Variants in PRKN observed in about 807,000 individuals in gnomAD.
PRKN encodes the protein E3 ubiquitin-protein ligase parkin.
PRKN carries 56 observed loss-of-function variants against 59.5 expected under a neutral mutation model. The ratio of observed to expected loss-of-function variants is 0.94; its 90% CI spans 0.76 to 1.18. PRKN has a LOEUF of 1.18. Ranked by LOEUF, PRKN falls within the 50% of genes most tolerant of loss-of-function variation. The pLI, the probability that PRKN is intolerant of heterozygous loss-of-function variation, is 0.00. For synonymous variants in PRKN, 250 were observed against 222.1 expected (o/e 1.13, Z -1.12); for missense variants, 657 against 596.4 (o/e 1.10, Z -1.06).
intron 1 of PRKN, among the ~76,000 whole-genome samples, chr6:162,454,561 T>C (rs1303584248): frequency 6.6e-6 from 1 of 152,176 alleles, no homozygotes; most frequent in Non-Finnish European, 1.5e-5. Flanking sequence ...GGAAAAAGAA[T>C]CTTGGGTCCT....
At chr6:162,022,250 T>C (rs1783236251) in intron 5 of PRKN, among the ~76,000 whole-genome samples, 1 of 152,202 alleles carries the variant, frequency 6.6e-6, no homozygotes, top group Non-Finnish European at 1.5e-5. Flanking sequence ...TTTAGTTCTC[T>C]GAGAAATCTC....
intron 4 of PRKN, among the ~76,000 whole-genome samples, chr6:162,111,612 G>T (rs1035972711): frequency 6.6e-6 from 1 of 152,086 alleles, no homozygotes; most frequent in African/African-American, 2.4e-5. Context: ...GTGTGAGAAG[G>T]AAGGCAAGTG....
chr6:161,661,922 C>A (rs1317375780), intron 7 of PRKN, among the ~76,000 whole-genome samples: 1 of 152,068 alleles, frequency 6.6e-6, no homozygotes, highest in East Asian at 1.9e-4. Flanking sequence ...ACTCGGGAGG[C>A]TGAGGCAGGT....
intron 2 of PRKN, among the ~76,000 whole-genome samples, chr6:162,410,024 A>G (rs893897049): frequency 2.6e-5 from 4 of 152,206 alleles, no homozygotes; most frequent in Non-Finnish European, 5.9e-5. Context: ...AGCATGGCTA[A>G]CAAAATAACA....
At chr6:162,029,686 C>T (rs1481949076) in intron 5 of PRKN, among the ~76,000 whole-genome samples, 1 of 152,194 alleles carries the variant, frequency 6.6e-6, no homozygotes. Flanking sequence ...CACTAAACGC[C>T]ATAACTTTGT....
intron 1 of PRKN, among the ~76,000 whole-genome samples, chr6:162,611,297 T>C (rs1418467358): frequency 6.6e-6 from 1 of 152,138 alleles, no homozygotes; most frequent in Non-Finnish European, 1.5e-5. Flanking sequence ...TTTCAAATAT[T>C]TGGATGATAG....
intron 2 of PRKN, among the ~76,000 whole-genome samples, chr6:162,427,866 T>C (rs1789317346): frequency 1.3e-5 from 2 of 152,232 alleles, no homozygotes. Flanking sequence ...TTTTAAAGTA[T>C]AAAAACATAG....
intron 4 of PRKN, among the ~76,000 whole-genome samples, chr6:162,147,894 A>G (rs1782096171): frequency 1.3e-5 from 2 of 152,356 alleles, no homozygotes; most frequent in Admixed American, 1.3e-4. Context: ...GAAATAACTT[A>G]TCAATAAAGA....
chr6:161,968,328 C>T (rs566099710), intron 6 of PRKN, among the ~76,000 whole-genome samples: 59 of 152,074 alleles, frequency 3.9e-4, no homozygotes, highest in African/African-American at 1.4e-3. Context: ...CGTGACTCAC[C>T]ATGCCCAGCC....
rs1554251151 is a variant in PRKN at position 161,352,755 on chromosome 6, G to GTATATATATATA, written c.1286-2556_1286-2545dup. Among the ~76,000 whole-genome samples, 1,555 of 134,306 alleles carry GTATATATATATA rather than the reference G, an allele frequency of 0.012. 26 individuals are homozygous for GTATATATATATA. The highest frequency in any genetic ancestry group is 0.041 in the African/African-American group (1,479 of 35,722). The allele number at this position is 134,306 out of a possible 152,430, so 88.1% of individuals were successfully genotyped here. Reference sequence around the variant, plus strand: ...TGTGTGTGTGTGTGTGTGTGTGTGTGTATATATATATATATATTTTATTTT... The same window carrying GTATATATATATA: ...TGTGTGTGTGTGTGTGTGTGTGTGTGTATATATATATATATATATATATATATATTTTATTTT... On this transcript the variant is annotated intron_variant, in intron 11 of 11. Transcript: ENST00000366898. The surrounding 1 kb of genome is among the most constrained non-coding windows in gnomAD (Gnocchi z 5.8).
chr6:161,808,942 T>A lies in PRKN; in HGVS notation c.735-23034A>T, dbSNP rs571489595. ...TGTAGCCTCAAACTCCTGAGCTCAA[T>A]CGATCCTCCCACTTCAGCCTCCTGA... On this transcript the variant is annotated intron_variant, in intron 6 of 11. Transcript: ENST00000366898. 3.9e-5 allele frequency among the ~76,000 whole-genome samples: 6 copies of A among 152,242 alleles called. No homozygotes were observed. The East Asian group carries it at 1.2e-3, about 29-fold the overall frequency.
At chr6:162,506,741 T>A (rs1793624985) in intron 1 of PRKN, among the ~76,000 whole-genome samples, 2 of 152,070 alleles carry the variant, frequency 1.3e-5, no homozygotes, top group East Asian at 3.9e-4. Flanking sequence ...GATGACGAGA[T>A]GAGTTTAGGA....
intron 6 of PRKN, among the ~76,000 whole-genome samples, chr6:161,826,638 A>G (rs1792257370): frequency 6.6e-6 from 1 of 152,186 alleles, no homozygotes; most frequent in Admixed American, 6.5e-5. Flanking sequence ...TCAGTTCTAG[A>G]CAGATGGCCA....
At position 161,576,107 on chromosome 6, in the gene PRKN, A is replaced by C. The variant is rs973081058; in HGVS notation, c.872-6691T>G. On this transcript the variant is annotated intron_variant, in intron 7 of 11. Coordinates refer to ENST00000366898, the MANE Select transcript of PRKN (RefSeq NM_004562.3). The surrounding 1 kb of genome is among the most constrained non-coding windows in gnomAD (Gnocchi z 4.6). ...CCATTTCTGAATTAGTCTGAGAGCC[A>C]GGCGTTAATAGGATCCCTGGAAAAC... Among the ~76,000 whole-genome samples, 1 of 152,228 alleles carries C rather than the reference A, an allele frequency of 6.6e-6. No homozygotes were observed. The highest frequency in any genetic ancestry group is 1.5e-5 in the Non-Finnish European group (1 of 68,034).
At chr6:162,454,389 C>T (rs150157466) in intron 1 of PRKN, among the ~76,000 whole-genome samples, 1 of 152,156 alleles carries the variant, frequency 6.6e-6, no homozygotes, top group Non-Finnish European at 1.5e-5. Context: ...TTAAATAGAG[C>T]TCTCAATTTT....
chr6:161,758,812 C>A (rs564269917), intron 7 of PRKN, among the ~76,000 whole-genome samples: 1 of 152,208 alleles, frequency 6.6e-6, no homozygotes, highest in African/African-American at 2.4e-5. Context: ...AGTCTCAGGT[C>A]TGTCTGAGTA....
intron 4 of PRKN, among the ~76,000 whole-genome samples, chr6:162,065,889 A>C (rs1778317703): frequency 6.6e-6 from 1 of 152,354 alleles, no homozygotes; most frequent in South Asian, 2.1e-4. Flanking sequence ...GTCTCTGCAA[A>C]GGACATGAAC....
chr6:162,645,258 A>G (rs1405351794), intron 1 of PRKN, among the ~76,000 whole-genome samples: 1 of 152,212 alleles, frequency 6.6e-6, no homozygotes, highest in African/African-American at 2.4e-5. Flanking sequence ...AAATATCAAA[A>G]AAAAGGAAAA....
rs116335370 is a variant in PRKN at position 162,304,840 on chromosome 6, G to C, written c.172-42075C>G. On this transcript the variant is annotated intron_variant, in intron 2 of 11. Transcript: ENST00000366898. ...TGCTGCTGCCAGATGTGAGTGCCAGGGTAGTCAGATGTGTTGTTTAACTCA... is the reference window on the plus strand; with the variant it reads ...TGCTGCTGCCAGATGTGAGTGCCAGCGTAGTCAGATGTGTTGTTTAACTCA... Among the ~76,000 whole-genome samples the C allele has an allele frequency of 4.3e-3, 599 of 139,008 alleles. 30 individuals carry two copies. Among genetic ancestry groups the C allele is most frequent in the South Asian group, 0.029 (136 of 4,758 alleles). The allele number at this position is 139,008 out of a possible 152,430, so 91.2% of individuals were successfully genotyped here. A position where few individuals can be genotyped will look rare whatever the true frequency, so the allele number is the denominator to read the frequency against.
Sources: gnomAD v4.1 joint callset for allele counts (sites outside exome capture counted in the v4.1 genomes callset) on GRCh38, gnomAD v4.1.1 for gene constraint, Gnocchi (gnomAD v3.1) non-coding constraint, MANE v1.5 for transcripts, NCBI Gene and HGNC (gene_info 2026-07-23, HGNC 2026-07-21) for gene names.